CACNA1A: variants seen among roughly 807,000 people sequenced by gnomAD.
The protein encoded by CACNA1A is voltage-dependent P/Q-type calcium channel subunit alpha-1A.
In CACNA1A, 57 loss-of-function variants were observed where a neutral mutation model predicts 262.4. The ratio of observed to expected loss-of-function variants is 0.22; its 90% confidence interval spans 0.18 to 0.27. The LOEUF (loss-of-function observed/expected upper bound fraction) is 0.27, where lower values mean the gene tolerates loss of function less well. Among genes scored for constraint, CACNA1A ranks in the 10% least tolerant of loss-of-function variants. The probability of loss-of-function intolerance (pLI) is 1.00; values close to 1 mark genes in which losing one functional copy is unlikely to be tolerated. For synonymous variants in CACNA1A, 1,431 were observed against 1,419.3 expected (o/e 1.01, Z -0.18); for missense variants, 2,526 against 3,562.8 (o/e 0.71, Z 7.41).
intron 1 of CACNA1A, among the ~76,000 whole-genome samples, chr19:13,479,104 G>T (rs1277820720): frequency 6.6e-6 from 1 of 152,222 alleles, no homozygotes; most frequent in African/African-American, 2.4e-5. Flanking sequence ...AATCCGGGAG[G>T]TGGAGGTTGC....
intron 1 of CACNA1A, among the ~76,000 whole-genome samples, chr19:13,462,407 G>C (rs1360509178): frequency 6.6e-6 from 1 of 152,176 alleles, no homozygotes; most frequent in East Asian, 1.9e-4. Context: ...AAAGAGTAGA[G>C]GGTACCAGAA....
intron 5 of CACNA1A, among the ~76,000 whole-genome samples, chr19:13,360,474 A>ATTTTTT (rs58721308): frequency 1.6e-5 from 2 of 126,256 alleles, no homozygotes; most frequent in Non-Finnish European, 1.6e-5. Context: ...TGCCACTAGA[A>ATTTTTT]TTTTTTTTTT....
At chr19:13,404,215 G>A (rs1402586115) in intron 3 of CACNA1A, among the ~76,000 whole-genome samples, 1 of 151,334 alleles carries the variant, frequency 6.6e-6, no homozygotes, top group South Asian at 2.1e-4. Context: ...CAGTAATAAG[G>A]TTCATAGTTA....
Position 13,207,536 on chromosome 19 carries a change from GC to G in CACNA1A, c.7297del (p.Ala2433ProfsTer175), listed in dbSNP as rs1477500832. Reference protein sequence around the residue: ...SGGGEEAMAGAYDAPPPVRHA... With the variant: ...SGGGEEAMAGXYDAPPPVRHA... Reference sequence around the variant, plus strand: ...TCGTACGGGGGGTGGCGCGTCGTAGGCCCCGGCCATGGCCTCCTCGCCGCCC... The same window carrying G: ...TCGTACGGGGGGTGGCGCGTCGTAGGCCCGGCCATGGCCTCCTCGCCGCCC... On this transcript the variant is annotated frameshift_variant, in exon 47 of 47. Transcript: ENST00000360228. LOFTEE classifies it high-confidence loss of function. This position sits in a 1 kb window ranked among gnomAD's most constrained non-coding sequence, Gnocchi z 5.7. The G allele has an allele frequency of 2.1e-6, 3 of 1,447,616 alleles. No homozygotes were observed. 89.7% of individuals were successfully genotyped at this position (1,447,616 alleles called of 1,614,324 possible).
intron 3 of CACNA1A, among the ~76,000 whole-genome samples, chr19:13,434,150 A>G (rs2060569620): frequency 6.6e-6 from 1 of 152,068 alleles, no homozygotes; most frequent in South Asian, 2.1e-4. Context: ...TGTGTTCACT[A>G]TTGTTGTTGT....
At chr19:13,224,922 T>C (rs564026121) in intron 37 of CACNA1A, 150 bp from the exon 38 acceptor site, 2 of 586,770 alleles carry the variant, frequency 3.4e-6, no homozygotes, top group African/African-American at 3.7e-5. Context: ...CCTGTCCCAG[T>C]ACTCAGTTTC....
chr19:13,372,988 T>C (rs2144565208), intron 3 of CACNA1A, among the ~76,000 whole-genome samples: 2 of 152,344 alleles, frequency 1.3e-5, no homozygotes, highest in Middle Eastern at 3.4e-3. Context: ...CCTGGCCCTG[T>C]TTCCTGAACA....
chr19:13,306,897 AC>A (rs1482726567), intron 15 of CACNA1A, among the ~76,000 whole-genome samples: 1 of 151,546 alleles, frequency 6.6e-6, no homozygotes, highest in Non-Finnish European at 1.5e-5. Flanking sequence ...TTCCTGCTTG[AC>A]CCTGTTGCTT....
chr19:13,248,842 CA>C (rs36043557), intron 30 of CACNA1A, among the ~76,000 whole-genome samples: 54,063 of 133,514 alleles, frequency 0.4, 9,976 homozygotes, highest in African/African-American at 0.46. Context: ...GAATCCATCT[CA>C]AAAAAAAAAA....
At chr19:13,390,760 A>G (rs75626201) in intron 3 of CACNA1A, among the ~76,000 whole-genome samples, 1 of 152,270 alleles carries the variant, frequency 6.6e-6, no homozygotes, top group East Asian at 1.9e-4. Flanking sequence ...TTCCATAGGT[A>G]GATACTATTT....
At chr19:13,255,757 C>CTCCT in intron 28 of CACNA1A, among the ~76,000 whole-genome samples, 1 of 121,234 alleles carries the variant, frequency 8.2e-6, no homozygotes, top group Non-Finnish European at 1.7e-5. Context: ...CCCTCCTTCC[C>CTCCT]TCCCTCCTTC....
chr19:13,447,267 C>A (rs1001626858), intron 3 of CACNA1A, among the ~76,000 whole-genome samples: 1 of 152,212 alleles, frequency 6.6e-6, no homozygotes, highest in Non-Finnish European at 1.5e-5. Flanking sequence ...CAACGATGAG[C>A]TCTCACCCTT....
chr19:13,374,559 T>C (rs1379790492), intron 3 of CACNA1A, among the ~76,000 whole-genome samples: 5 of 152,004 alleles, frequency 3.3e-5, no homozygotes, highest in Non-Finnish European at 5.9e-5. Context: ...CCATTCAACT[T>C]TTAATTTGAT....
intron 36 of CACNA1A, 83 bp downstream of exon 36, chr19:13,229,999 G>A (rs2304092): frequency 6.7e-7 from 1 of 1,497,918 alleles, no homozygotes; most frequent in East Asian, 2.3e-5. Flanking sequence ...CAGTGCTCCA[G>A]AGTCTGGGGC....
intron 5 of CACNA1A, 86 bp from the exon 6 acceptor site, chr19:13,359,885 G>A (rs1432680911): frequency 1.2e-6 from 1 of 855,612 alleles, no homozygotes; most frequent in Middle Eastern, 2.5e-4. Context: ...CTATAATGCT[G>A]TTGGAACGAA....
chr19:13,209,597 G>C (rs1600082364), intron 44 of CACNA1A, 99 bp from the exon 45 acceptor site: 18 of 908,174 alleles, frequency 2.0e-5, no homozygotes, highest in Non-Finnish European at 2.7e-5. Flanking sequence ...GTGGCCTTCG[G>C]TGACTGCGGT....
chr19:13,427,472 A>G, intron 3 of CACNA1A, among the ~76,000 whole-genome samples: 1 of 150,756 alleles, frequency 6.6e-6, no homozygotes, highest in South Asian at 2.1e-4. Context: ...AAATAAATAA[A>G]TAAATAAATA....
At chr19:13,220,103 CAA>C (rs1046913248) in intron 38 of CACNA1A, among the ~76,000 whole-genome samples, 2 of 151,764 alleles carry the variant, frequency 1.3e-5, no homozygotes, top group Non-Finnish European at 2.9e-5. Context: ...ACTAAAAATA[CAA>C]AAAAATTTAG....
rs771997659 is a variant in CACNA1A at position 13,382,649 on chromosome 19, G to A, written c.540-10870C>T. Among the ~76,000 whole-genome samples the A allele has an allele frequency of 3.9e-5, 6 of 152,286 alleles. No homozygotes were observed. The South Asian group carries it at 6.2e-4, about 16-fold the overall frequency. ...AGGAAGGGATGTGATTAGGGTTGGC[G>A]TTCAGAAGACAAGCCTGACAGCTGA... On this transcript the variant is annotated intron_variant, in intron 3 of 46. Coordinates refer to ENST00000360228, the MANE Select transcript of CACNA1A (RefSeq NM_001127222.2).
Sources: allele counts gnomAD v4.1 joint callset (sites outside exome capture counted in the v4.1 genomes callset), GRCh38; gene constraint gnomAD v4.1.1; non-coding constraint Gnocchi (gnomAD v3.1); transcripts MANE v1.5; gene names NCBI Gene and HGNC (gene_info 2026-07-23, HGNC 2026-07-21).